The following ZNF710 variants were observed in gnomAD, a reference collection of about 807,000 sequenced individuals.
ZNF710 encodes the protein zinc finger protein 710.
A neutral mutation model predicts 50.6 loss-of-function variants in ZNF710; 13 were observed. That is an observed-to-expected ratio of 0.26 (90% CI 0.17 to 0.41). The LOEUF is 0.41. Among genes scored for constraint, ZNF710 ranks in the 10% least tolerant of loss-of-function variants. The pLI is 1.00. For missense variants in ZNF710, 721 were observed against 936.6 expected (o/e 0.77, Z 3.01); for synonymous variants, 383 against 397.0 (o/e 0.96, Z 0.42).
chr15:90,065,012 G>A (rs533402294), intron 1 of ZNF710, among the ~76,000 whole-genome samples: 1 of 152,270 alleles, frequency 6.6e-6, no homozygotes, highest in South Asian at 2.1e-4. Flanking sequence ...CTGGACATTG[G>A]GGTGGGGTGT....
At chr15:90,057,415 G>A (rs1225047240) in intron 1 of ZNF710, among the ~76,000 whole-genome samples, 1 of 152,016 alleles carries the variant, frequency 6.6e-6, no homozygotes, top group Non-Finnish European at 1.5e-5. Context: ...TAACTTCGAG[G>A]CCGGGCACGG....
At chr15:90,038,595 G>A (rs1203997863) in intron 1 of ZNF710, among the ~76,000 whole-genome samples, 9 of 152,066 alleles carry the variant, frequency 5.9e-5, no homozygotes, top group Admixed American at 5.2e-4. Flanking sequence ...TTCCCCAGTT[G>A]AACTCCAAAA....
chr15:90,016,889 C>T (rs568737735), intron 1 of ZNF710, among the ~76,000 whole-genome samples: 51 of 152,330 alleles, frequency 3.3e-4, no homozygotes, highest in African/African-American at 1.2e-3. Context: ...TAAAGGCAAG[C>T]CCAGAGCCCA....
chr15:90,008,441 C>CGTATATATATATAT (rs1220498890), intron 1 of ZNF710, among the ~76,000 whole-genome samples: 2 of 126,512 alleles, frequency 1.6e-5, no homozygotes, highest in African/African-American at 7.6e-5. Context: ...TATATATATA[C>CGTATATATATATAT]ATATATATAT....
At chr15:90,029,942 C>G (rs1898884402) in intron 1 of ZNF710, among the ~76,000 whole-genome samples, 1 of 151,842 alleles carries the variant, frequency 6.6e-6, no homozygotes. Flanking sequence ...TTAAAAAGAT[C>G]AAGCTTGATA....
intron 4 of ZNF710, among the ~76,000 whole-genome samples, chr15:90,078,797 G>T (rs1468964424): frequency 6.6e-6 from 1 of 152,200 alleles, no homozygotes; most frequent in Admixed American, 6.5e-5. Flanking sequence ...CCAGCCTGGG[G>T]TCTGTTTCCC....
In ZNF710 at chr15:90,034,291, A is replaced by C. The variant is rs1042424505; in HGVS notation, c.-29+32677A>C. On this transcript the variant is annotated intron_variant, in intron 1 of 4. Coordinates refer to ENST00000268154, the MANE Select transcript of ZNF710 (RefSeq NM_198526.4). This position sits in a 1 kb window ranked among gnomAD's most constrained non-coding sequence, Gnocchi z 4.0. The stretch of plus-strand genomic sequence containing the variant: ...CTGCCAGATAGAAACAAGATATCAC[A>C]TGCAAGAGGCTCTACACATGGTCTG... 2.6e-5 allele frequency among the ~76,000 whole-genome samples: 4 copies of C among 151,916 alleles called. No individual in the cohort carries two copies. Among genetic ancestry groups the C allele is most frequent in the Non-Finnish European group, 5.9e-5 (4 of 67,950 alleles).
chr15:90,075,877 C>G (rs1404277561), intron 4 of ZNF710: 2 of 152,256 alleles, frequency 1.3e-5, no homozygotes, highest in East Asian at 1.9e-4. Flanking sequence ...TCTTGCTGGC[C>G]TCTCAGCTCC....
chr15:90,012,332 T>A (rs2151465299), intron 1 of ZNF710, among the ~76,000 whole-genome samples: 1 of 135,306 alleles, frequency 7.4e-6, no homozygotes, highest in Non-Finnish European at 1.6e-5. Flanking sequence ...TTGCTCTGTC[T>A]CCCAGGCTGG....
chr15:90,045,574 G>C (rs1162550516), intron 1 of ZNF710, among the ~76,000 whole-genome samples: 1 of 152,114 alleles, frequency 6.6e-6, no homozygotes, highest in Non-Finnish European at 1.5e-5. Flanking sequence ...TGCGTGGCCT[G>C]TGAGCTCAGA....
Position 90,067,968 on chromosome 15 carries a change from C to G in ZNF710, c.831C>G (p.Asn277Lys). The change falls in exon 2 of 5, where the codon AAC becomes AAG. Residue 277 changes from asparagine to lysine, a missense_variant. Asn to Lys is a moderately conservative substitution (Grantham distance 94). This residue lies in a region of ZNF710 where 326 missense variants were observed against 522.0 expected (regional missense o/e 0.62). Transcript: ENST00000268154. The surrounding 1 kb of genome is among the most constrained non-coding windows in gnomAD (Gnocchi z 8.1). ...CCCAGCTGGATCGGCTGGACATCAA[C>G]GTGCAGATTGACGACTCCTATCTGG... Reference protein sequence around the residue: ...KKAQLDRLDINVQIDDSYLVE... With the variant: ...KKAQLDRLDIKVQIDDSYLVE... 1.2e-6 allele frequency: 2 copies of G among 1,614,148 alleles called. No individual in the cohort carries two copies. The highest frequency in any genetic ancestry group is 1.7e-6 in the Non-Finnish European group (2 of 1,180,030).
chr15:90,039,980 G>A (rs1363044205), intron 1 of ZNF710, among the ~76,000 whole-genome samples: 1 of 152,104 alleles, frequency 6.6e-6, no homozygotes, highest in East Asian at 1.9e-4. Context: ...GGGGAAATTT[G>A]AGGTGGCCAG....
intron 1 of ZNF710, among the ~76,000 whole-genome samples, chr15:90,064,012 G>A (rs553945613): frequency 6.6e-6 from 1 of 152,338 alleles, no homozygotes; most frequent in Admixed American, 6.5e-5. Flanking sequence ...AGCATCCAGG[G>A]CCAAGGGGGA....
chr15:90,063,967 C>T (rs929990331), intron 1 of ZNF710, among the ~76,000 whole-genome samples: 6 of 152,230 alleles, frequency 3.9e-5, no homozygotes, highest in African/African-American at 1.4e-4. Context: ...CCTGATGTCA[C>T]ACGGCTAGTA....
intron 1 of ZNF710, among the ~76,000 whole-genome samples, chr15:90,020,356 C>T (rs1232386089): frequency 1.3e-5 from 2 of 152,198 alleles, no homozygotes; most frequent in Non-Finnish European, 2.9e-5. Context: ...TCCTCCAGCT[C>T]TGCTACCAAC....
In ZNF710 at chr15:90,040,342, C is replaced by T. The variant is rs572646087; in HGVS notation, c.-28-26768C>T. 4.6e-5 allele frequency among the ~76,000 whole-genome samples: 7 copies of T among 152,192 alleles called. No homozygotes were observed. The highest frequency in any genetic ancestry group is 1.7e-4 in the African/African-American group (7 of 41,446). On this transcript the variant is annotated intron_variant, in intron 1 of 4. Coordinates refer to ENST00000268154, the MANE Select transcript of ZNF710 (RefSeq NM_198526.4). This position sits in a 1 kb window ranked among gnomAD's most constrained non-coding sequence, Gnocchi z 4.6. Reference sequence around the variant, plus strand: ...CTCCAGGGAGGTGTCCTTAGTGCTCCGGATGGGGTTGTTAAAGCCACATGT... The same window carrying T: ...CTCCAGGGAGGTGTCCTTAGTGCTCTGGATGGGGTTGTTAAAGCCACATGT...
At chr15:90,000,613 C>A (rs1596256964), upstream of ZNF710, among the ~76,000 whole-genome samples, 1 of 152,246 alleles carries the variant, frequency 6.6e-6, no homozygotes, top group African/African-American at 2.4e-5. Flanking sequence ...GTCCAGGGCT[C>A]TGCTAACAGC....
Position 90,080,681 on chromosome 15 carries a change from C to A in ZNF710, c.*852C>A. 1 of 152,412 alleles carries A rather than the reference C, an allele frequency of 6.6e-6. No individual in the cohort carries two copies. 9.4% of individuals were successfully genotyped at this position (152,412 alleles called of 1,614,324 possible). ...CAAGAAGGGCTGTCCTTGGGGGAGG[C>A]CCAGGACCACCTGTCGGGGAGGGGG... is the stretch of plus-strand genomic sequence containing the variant. On this transcript the variant is annotated 3_prime_UTR_variant, in exon 5 of 5. Coordinates refer to ENST00000268154, the MANE Select transcript of ZNF710 (RefSeq NM_198526.4).
chr15:90,045,197 T>A (rs2151500303), intron 1 of ZNF710, among the ~76,000 whole-genome samples: 1 of 152,290 alleles, frequency 6.6e-6, no homozygotes, highest in South Asian at 2.1e-4. Flanking sequence ...ACTGTTGTCT[T>A]CATCTCTCTA....
Sources: allele counts gnomAD v4.1 joint callset (sites outside exome capture counted in the v4.1 genomes callset), GRCh38; gene constraint gnomAD v4.1.1; regional missense constraint gnomAD v4.1.1; non-coding constraint Gnocchi (gnomAD v3.1); transcripts MANE v1.5; gene names NCBI Gene and HGNC (gene_info 2026-07-23, HGNC 2026-07-21).